Variants in ARHGEF11 observed in about 807,000 individuals in gnomAD.
ARHGEF11 encodes Rho guanine exchange factor (GEF) 11.
In ARHGEF11, 55 loss-of-function variants were observed where a neutral mutation model predicts 193.7. That is an observed-to-expected ratio of 0.28 (90% CI 0.23 to 0.36). The LOEUF (loss-of-function observed/expected upper bound fraction) is 0.36, where lower values mean the gene tolerates loss of function less well. Ranked by LOEUF, ARHGEF11 falls within the 10% of genes least tolerant of loss-of-function variation. The pLI, the probability that ARHGEF11 is intolerant of heterozygous loss-of-function variation, is 1.00. For synonymous variants in ARHGEF11, 693 were observed against 768.0 expected, an observed-to-expected ratio of 0.90 and a Z score of 1.62; for missense variants, 1,723 against 2,005.6, an observed-to-expected ratio of 0.86 and a Z score of 2.69.
chr1:156,944,776 C>T (rs1467066176), intron 30 of ARHGEF11, among the ~76,000 whole-genome samples: 1 of 152,222 alleles, frequency 6.6e-6, no homozygotes, highest in Non-Finnish European at 1.5e-5. Context: ...TCCAGTTCTA[C>T]CCCATCCCCT....
rs563808834 is a variant in ARHGEF11 at position 156,958,800 on chromosome 1, C to A, written c.1444G>T (p.Asp482Tyr). 5.6e-6 allele frequency: 9 copies of A among 1,614,200 alleles called. No individual in the cohort carries two copies. The highest frequency in any genetic ancestry group is 2.2e-5 in the South Asian group (2 of 91,078). The change falls in exon 17 of 41, where the codon GAC becomes TAC. Residue 482 changes from aspartate (D) to tyrosine (Y), a missense_variant. Around this residue, in one of 5 missense-constraint regions of ARHGEF11, gnomAD observed 646 missense variants for 710.7 expected, o/e 0.91. Coordinates refer to ENST00000368194, the MANE Select transcript of ARHGEF11 (RefSeq NM_198236.3). ...GCCACTTGGCGCTCTCGGAGAGGGT[C>A]CCCATCCAGGTCCAGCAGGTCATTT... ...GENDLLDLDGDPLRERQVAEK... is the reference protein window; with the variant it reads ...GENDLLDLDGYPLRERQVAEK...
At chr1:156,951,360 G>A (rs914660610) in intron 22 of ARHGEF11, among the ~76,000 whole-genome samples, 8 of 151,454 alleles carry the variant, frequency 5.3e-5, no homozygotes, top group African/African-American at 1.7e-4. Context: ...TAGTTCTTGG[G>A]CTGGAAGTCG....
In ARHGEF11 at chr1:156,945,084, A is replaced by G. The variant is rs749305989; in HGVS notation, c.2926T>C (p.Tyr976His). The change falls in exon 30 of 41, where the codon TAC (tyrosine) becomes CAC (histidine). Residue 976 changes from tyrosine (Y) to histidine (H), a missense_variant. Physicochemically the swap from Tyr to His is moderately conservative, Grantham distance 83. Coordinates refer to ENST00000368194, the MANE Select transcript of ARHGEF11 (RefSeq NM_198236.3). ...QTENRHRLEG[Y>H]QKRLDATALE... ...GCGGTGGCATCCAGGCGTTTCTGGT[A>G]GCCCTCTAAACGGTGGCGGTTCTCT... The G allele has an allele frequency of 1.9e-6, 3 of 1,614,202 alleles. No homozygotes were observed. Among genetic ancestry groups the G allele is most frequent in the South Asian group, 2.2e-5 (2 of 91,084 alleles).
chr1:156,999,902 T>C (rs1034219570), intron 1 of ARHGEF11, among the ~76,000 whole-genome samples: 2 of 152,244 alleles, frequency 1.3e-5, no homozygotes, highest in Non-Finnish European at 2.9e-5. Context: ...CCAAGCCTTG[T>C]ACTTTTTGCA....
intron 19 of ARHGEF11, among the ~76,000 whole-genome samples, 194 bp from the exon 20 acceptor site, chr1:156,955,993 G>A (rs899475139): frequency 6.6e-5 from 10 of 152,174 alleles, no homozygotes; most frequent in African/African-American, 2.2e-4. Flanking sequence ...TAGTCTGGGG[G>A]TCCTCACTGA....
chr1:157,003,077 T>G (rs1160677230), intron 1 of ARHGEF11, among the ~76,000 whole-genome samples: 1 of 152,258 alleles, frequency 6.6e-6, no homozygotes, highest in Non-Finnish European at 1.5e-5. Flanking sequence ...TTGTTGATTA[T>G]TCATATTAGC....
At chr1:156,960,593 C>T in intron 14 of ARHGEF11, 133 bp from the exon 15 acceptor site, 1 of 741,820 alleles carries the variant, frequency 1.3e-6, no homozygotes, top group Non-Finnish European at 2.3e-6. Context: ...CCATCCTTCT[C>T]ATCACTCTCC....
In ARHGEF11 at chr1:156,946,701, G is replaced by A. The variant is rs1658194882; in HGVS notation, c.2655C>T (p.Thr885=). The A allele has an allele frequency of 6.2e-7, 1 of 1,614,074 alleles. No homozygotes were observed. The highest frequency in any genetic ancestry group is 1.1e-5 in the South Asian group (1 of 91,066). The part of the protein sequence containing the change: ...YQSIALELIK[T]KQRKESRFQL... ...GGAATCGACTCTCCTTGCGTTGCTT[G>A]GTCTTGATTAGCTCTAGGGCTATTG... The change falls in exon 28 of 41, where the codon ACC becomes ACT. Residue 885 remains threonine (T), a synonymous_variant. Transcript: ENST00000368194.
chr1:156,949,238 C>T, intron 22 of ARHGEF11: 4 of 377,604 alleles, frequency 1.1e-5, no homozygotes, highest in Non-Finnish European at 1.5e-5. Flanking sequence ...TACTGAGTGT[C>T]TCTGGGGTTT....
intron 11 of ARHGEF11, among the ~76,000 whole-genome samples, chr1:156,965,256 A>G (rs73008731): frequency 0.016 from 2,430 of 152,300 alleles, 44 homozygotes; most frequent in African/African-American, 0.048. Context: ...CCTGAAGGAA[A>G]GCCTTTCCTA....
intron 1 of ARHGEF11, among the ~76,000 whole-genome samples, chr1:157,005,091 T>C (rs1347384567): frequency 6.6e-6 from 1 of 152,244 alleles, no homozygotes; most frequent in African/African-American, 2.4e-5. Context: ...TCTTCTATTC[T>C]GAAATGTAGG....
chr1:156,979,360 A>AATTTTT, intron 4 of ARHGEF11, 74 bp from the exon 5 acceptor site: 1 of 737,714 alleles, frequency 1.4e-6, no homozygotes, highest in Non-Finnish European at 1.9e-6. Context: ...TCAAAATGCC[A>AATTTTT]CTTTTTTTTT....
chr1:156,936,497 AATATAT>A lies in ARHGEF11; in HGVS notation c.4630+313_4630+318del, dbSNP rs1553192804. Among the ~76,000 whole-genome samples the A allele has an allele frequency of 1.2e-3, 40 of 33,942 alleles. 1 individual carries two copies. Among genetic ancestry groups the A allele is most frequent in the African/African-American group, 5.1e-3 (33 of 6,496 alleles). 22.3% of individuals were successfully genotyped at this position (33,942 alleles called of 152,430 possible). A position where few individuals can be genotyped will look rare whatever the true frequency, so the allele number is the denominator to read the frequency against. On this transcript the variant is annotated intron_variant, in intron 40 of 40. Coordinates refer to ENST00000368194, the MANE Select transcript of ARHGEF11 (RefSeq NM_198236.3). ...AATAAATAGAAAAAAAAAAAAAAAA[AATATAT>A]ATATATATATATATATATATATAAA...
chr1:156,956,500 G>A lies in ARHGEF11; in HGVS notation c.1591C>T (p.Arg531Ter). 1 of 1,614,132 alleles carries A rather than the reference G, an allele frequency of 6.2e-7. No individual in the cohort carries two copies. Among genetic ancestry groups the A allele is most frequent in the Non-Finnish European group, 8.5e-7 (1 of 1,180,018 alleles). The change falls in exon 19 of 41, where the codon CGA becomes TGA. Residue 531 changes from arginine to a stop codon, truncating the protein, a stop_gained. Coordinates refer to ENST00000368194, the MANE Select transcript of ARHGEF11 (RefSeq NM_198236.3). LOFTEE classifies it high-confidence loss of function. Reference sequence around the variant, plus strand: ...GCCTTTTCAGCTGTGTTGGAAGGTCGTGCCTCTCGAAGACGGATCCCAGCA... The same window carrying A: ...GCCTTTTCAGCTGTGTTGGAAGGTCATGCCTCTCGAAGACGGATCCCAGCA... ...SHAGIRLREA[R>*]PSNTAEKAQS... is the part of the protein sequence containing the mutation.
intron 37 of ARHGEF11, 144 bp from the exon 38 acceptor site, chr1:156,938,657 C>T (rs910511950): frequency 1.5e-6 from 1 of 653,210 alleles, no homozygotes; most frequent in South Asian, 2.0e-5. Flanking sequence ...CAAGATCATA[C>T]ACGATGACAT....
At position 156,967,977 on chromosome 1, in the gene ARHGEF11, G is replaced by A; in HGVS notation, c.963+10C>T. 1 of 1,613,912 alleles carries A rather than the reference G, an allele frequency of 6.2e-7. No homozygotes were observed. The highest frequency in any genetic ancestry group is 8.5e-7 in the Non-Finnish European group (1 of 1,180,020). The stretch of plus-strand genomic sequence containing the variant: ...AAAGGAAAACTGCAGGGTGGCTCCA[G>A]ATCACTCACCTGGTCACCGGTTGAG... On this transcript the variant is annotated intron_variant, in intron 11 of 40. Transcript: ENST00000368194.
Position 156,948,369 on chromosome 1 carries a change from A to G in ARHGEF11, c.2055T>C (p.Ala685=). The change falls in exon 23 of 41, where the codon GCT becomes GCC. Residue 685 remains alanine (A), a synonymous_variant. Coordinates refer to ENST00000368194, the MANE Select transcript of ARHGEF11 (RefSeq NM_198236.3). This position sits in a 1 kb window ranked among gnomAD's most constrained non-coding sequence, Gnocchi z 4.2. ...SDVDMDAAAE[A]TRLHQSASSS... ...ACGAGGCTGACTGGTGCAGGCGAGT[A>G]GCCTCCGCAGCAGCATCCATGTCAA... is the stretch of plus-strand genomic sequence containing the variant. 3 of 1,614,260 alleles carry G rather than the reference A, an allele frequency of 1.9e-6. No homozygotes were observed. The highest frequency in any genetic ancestry group is 2.5e-6 in the Non-Finnish European group (3 of 1,180,052).
chr1:157,016,250 T>G (rs1669217560), intron 1 of ARHGEF11, among the ~76,000 whole-genome samples: 1 of 152,158 alleles, frequency 6.6e-6, no homozygotes, highest in South Asian at 2.1e-4. Flanking sequence ...TTATTTTTTT[T>G]GAGACAGACT....
chr1:157,026,765 T>TA (rs1458501530), intron 1 of ARHGEF11, among the ~76,000 whole-genome samples: 1 of 152,216 alleles, frequency 6.6e-6, no homozygotes, highest in Non-Finnish European at 1.5e-5. Flanking sequence ...TCCCTGTTGT[T>TA]AAAGCACTTT....
Sources: gnomAD v4.1 joint callset for allele counts (sites outside exome capture counted in the v4.1 genomes callset) on GRCh38, gnomAD v4.1.1 for gene constraint, gnomAD v4.1.1 regional missense constraint, Gnocchi (gnomAD v3.1) non-coding constraint, MANE v1.5 for transcripts, NCBI Gene and HGNC (gene_info 2026-07-23, HGNC 2026-07-21) for gene names.